The following SLC41A2 variants were observed in gnomAD, a reference collection of about 807,000 sequenced individuals.
The protein encoded by SLC41A2 is SLC41A1-like 1.
In SLC41A2, 32 loss-of-function variants were observed where a neutral mutation model predicts 58.3. The ratio of observed to expected loss-of-function variants is 0.55; its 90% CI spans 0.41 to 0.74. The LOEUF is 0.74. Ranked by LOEUF, SLC41A2 falls within the 30% of genes least tolerant of loss-of-function variation. The pLI is 0.00. For missense variants in SLC41A2, 514 were observed against 680.6 expected (o/e 0.76, Z 2.72); for synonymous variants, 190 against 235.0 (o/e 0.81, Z 1.75).
chr12:104,917,564 T>C (rs1451048083), intron 2 of SLC41A2, among the ~76,000 whole-genome samples: 1 of 151,364 alleles, frequency 6.6e-6, no homozygotes, highest in Non-Finnish European at 1.5e-5. Flanking sequence ...AGCAAAGACT[T>C]GGAACCAACC....
chr12:104,879,436 G>A (rs1466924917), intron 6 of SLC41A2, among the ~76,000 whole-genome samples: 1 of 151,360 alleles, frequency 6.6e-6, no homozygotes, highest in Admixed American at 6.6e-5. Context: ...GGTTTTTATG[G>A]TTTGAGTCTT....
intron 10 of SLC41A2, among the ~76,000 whole-genome samples, chr12:104,811,569 G>A (rs908575704): frequency 7.9e-5 from 12 of 152,252 alleles, no homozygotes; most frequent in African/African-American, 2.9e-4. Context: ...ATAAACAGGA[G>A]TTACCAACCA....
intron 8 of SLC41A2, among the ~76,000 whole-genome samples, chr12:104,852,522 G>A (rs953495830): frequency 2.0e-5 from 3 of 151,926 alleles, no homozygotes; most frequent in Admixed American, 6.6e-5. Flanking sequence ...TCATTTCTTT[G>A]TTACCATATA....
At chr12:104,817,128 G>A (rs946123254) in intron 10 of SLC41A2, among the ~76,000 whole-genome samples, 3 of 152,162 alleles carry the variant, frequency 2.0e-5, no homozygotes, top group Non-Finnish European at 2.9e-5. Context: ...TAGCATGTAT[G>A]TGACTGTACT....
chr12:104,857,569 C>T (rs1200788302), intron 8 of SLC41A2, among the ~76,000 whole-genome samples: 1 of 151,996 alleles, frequency 6.6e-6, no homozygotes, highest in East Asian at 1.9e-4. Flanking sequence ...TTTATTGAGG[C>T]ACTATTCACA....
intron 8 of SLC41A2, among the ~76,000 whole-genome samples, chr12:104,856,989 G>A (rs932704032): frequency 3.3e-5 from 5 of 152,050 alleles, no homozygotes; most frequent in African/African-American, 1.2e-4. Context: ...TTCATTTTTA[G>A]TCTCTTTTTA....
intron 10 of SLC41A2, among the ~76,000 whole-genome samples, chr12:104,812,870 A>G (rs576119082): frequency 1.3e-5 from 2 of 152,158 alleles, no homozygotes; most frequent in Non-Finnish European, 2.9e-5. Context: ...ACTTGCAAAA[A>G]AAAAAATTAA....
At chr12:104,926,890 C>T (rs930755428) in intron 2 of SLC41A2, among the ~76,000 whole-genome samples, 1 of 151,712 alleles carries the variant, frequency 6.6e-6, no homozygotes, top group Non-Finnish European at 1.5e-5. Context: ...GTTTGAGACC[C>T]GCCTGGGCAA....
chr12:104,949,745 G>A (rs377042691), intron 1 of SLC41A2, among the ~76,000 whole-genome samples: 6 of 151,906 alleles, frequency 3.9e-5, no homozygotes, highest in Non-Finnish European at 7.4e-5. Context: ...CACCACGCCC[G>A]GCTAATATTG....
Position 104,958,128 on chromosome 12 carries a change from G to T in SLC41A2, c.-208C>A, listed in dbSNP as rs74495249. The T allele has an allele frequency of 5.2e-3, 786 of 152,386 alleles. 20 individuals carry two copies. In the East Asian group the frequency reaches 0.092, roughly 18 times the overall value. 9.4% of individuals were successfully genotyped at this position (152,386 alleles called of 1,614,324 possible). A position where few individuals can be genotyped will look rare whatever the true frequency, so the allele number is the denominator to read the frequency against. ...GCGGCGGCAGCGGCCGGTGTGAGAA[G>T]GGTCCCCGTCTCCTCAGACCAGACC... On this transcript the variant is annotated 5_prime_UTR_variant, in exon 1 of 11. Transcript: ENST00000258538.
intron 2 of SLC41A2, among the ~76,000 whole-genome samples, chr12:104,924,962 G>A (rs2046771954): frequency 1.3e-5 from 2 of 151,962 alleles, no homozygotes; most frequent in South Asian, 4.1e-4. Context: ...AAAGAGTCAA[G>A]TAAAACCAAA....
At chr12:104,822,148 T>C (rs1218003962) in intron 10 of SLC41A2, among the ~76,000 whole-genome samples, 4 of 152,098 alleles carry the variant, frequency 2.6e-5, no homozygotes, top group Admixed American at 6.5e-5. Context: ...GAAAAAAAAG[T>C]GTGAATGAAG....
chr12:104,894,325 C>T (rs2045176115), intron 4 of SLC41A2, among the ~76,000 whole-genome samples: 1 of 151,246 alleles, frequency 6.6e-6, no homozygotes, highest in African/African-American at 2.4e-5. Flanking sequence ...TGCACTCCAC[C>T]CTGGGCAACA....
At chr12:104,909,119 T>A (rs932997215) in intron 3 of SLC41A2, among the ~76,000 whole-genome samples, 8 of 152,176 alleles carry the variant, frequency 5.3e-5, no homozygotes, top group Admixed American at 1.3e-4. Flanking sequence ...ATATATAGAA[T>A]TCTAGTTCTT....
chr12:104,895,466 A>G, intron 3 of SLC41A2, 121 bp from the exon 4 acceptor site: 1 of 665,350 alleles, frequency 1.5e-6, no homozygotes, highest in Non-Finnish European at 2.6e-6. Context: ...ATGAGCTCAC[A>G]TTGTACTTTG....
intron 10 of SLC41A2, among the ~76,000 whole-genome samples, chr12:104,810,310 A>G (rs759746534): frequency 6.6e-6 from 1 of 152,204 alleles, no homozygotes; most frequent in Non-Finnish European, 1.5e-5. Context: ...TTGAATAAGT[A>G]ATGTATACAG....
At chr12:104,887,816 C>A (rs1467056233) in intron 5 of SLC41A2, among the ~76,000 whole-genome samples, 1 of 151,898 alleles carries the variant, frequency 6.6e-6, no homozygotes, top group African/African-American at 2.4e-5. Context: ...AGTCACCTTA[C>A]CTAAGTTTTC....
chr12:104,901,552 T>C (rs572713464), intron 3 of SLC41A2, among the ~76,000 whole-genome samples: 1 of 152,144 alleles, frequency 6.6e-6, no homozygotes, highest in East Asian at 1.9e-4. Flanking sequence ...TATTTATTTA[T>C]TTATTTATTT....
intron 3 of SLC41A2, among the ~76,000 whole-genome samples, chr12:104,901,331 T>C (rs1456142893): frequency 2.0e-5 from 3 of 152,130 alleles, no homozygotes; most frequent in Admixed American, 2.0e-4. Flanking sequence ...TGTACTTGAT[T>C]CATTTTCCAA....
Sources: allele counts gnomAD v4.1 joint callset (sites outside exome capture counted in the v4.1 genomes callset), GRCh38; gene constraint gnomAD v4.1.1; transcripts MANE v1.5; gene names NCBI Gene and HGNC (gene_info 2026-07-23, HGNC 2026-07-21).